DACH1: variants seen among roughly 807,000 people sequenced by gnomAD.
DACH1 encodes the protein dachshund family transcription factor 1.
DACH1 carries 12 observed loss-of-function variants against 54.2 expected under a neutral mutation model. The observed-to-expected ratio is 0.22, with a 90% confidence interval of 0.14 to 0.36. The LOEUF is 0.36. Ranked by LOEUF, DACH1 falls within the 10% of genes least tolerant of loss-of-function variation. The pLI, the probability that DACH1 is intolerant of heterozygous loss-of-function variation, is 1.00. For missense variants in DACH1, 805 were observed against 929.8 expected (o/e 0.87, Z 1.75); for synonymous variants, 386 against 366.2 (o/e 1.05, Z -0.62).
chr13:71,748,946 TTCTTTCTCTCTTTCTTTC>T (rs777754932), intron 1 of DACH1, among the ~76,000 whole-genome samples: 6,737 of 57,238 alleles, frequency 0.12, 575 homozygotes, highest in Non-Finnish European at 0.23. Context: ...CTTTCTTTCT[TTCTTTCTCTCTTTCTTTC>T]TCTCTCTCTC....
At chr13:71,749,992 C>CTTTCT (rs1274783914) in intron 1 of DACH1, among the ~76,000 whole-genome samples, 1 of 152,162 alleles carries the variant, frequency 6.6e-6, no homozygotes, top group Non-Finnish European at 1.5e-5. Flanking sequence ...AACTTTTATG[C>CTTTCT]TTTCAAGCAA....
At chr13:71,850,053 T>C (rs1380159239) in intron 1 of DACH1, among the ~76,000 whole-genome samples, 1 of 152,194 alleles carries the variant, frequency 6.6e-6, no homozygotes, top group East Asian at 1.9e-4. Context: ...GGTCCATCTA[T>C]GGACAAAATA....
rs186868541 is a variant in DACH1 at position 71,795,697 on chromosome 13, C to T, written c.848+70225G>A. Among the ~76,000 whole-genome samples the T allele has an allele frequency of 3.9e-5, 6 of 152,224 alleles. No individual in the cohort carries two copies. In the South Asian group the frequency reaches 8.3e-4, roughly 21 times the overall value. ...AACAAAACAAATCAGACTTTGAAATCGGCCAAATATACTTTCCAAGCCACT... is the reference window on the plus strand; with the variant it reads ...AACAAAACAAATCAGACTTTGAAATTGGCCAAATATACTTTCCAAGCCACT... On this transcript the variant is annotated intron_variant, in intron 1 of 10. Transcript: ENST00000613252.
intron 1 of DACH1, among the ~76,000 whole-genome samples, chr13:71,864,073 A>C (rs1874532049): frequency 6.6e-6 from 1 of 151,294 alleles, no homozygotes; most frequent in South Asian, 2.1e-4. Context: ...ACGACCAAGA[A>C]CTCCAATTAT....
chr13:71,611,427 G>A (rs925312754), intron 3 of DACH1, among the ~76,000 whole-genome samples: 1 of 152,188 alleles, frequency 6.6e-6, no homozygotes, highest in African/African-American at 2.4e-5. Context: ...TGAAGAATAA[G>A]TGTTAAGGCT....
chr13:71,449,981 A>C (rs953518377), intron 10 of DACH1, among the ~76,000 whole-genome samples: 3 of 151,596 alleles, frequency 2.0e-5, no homozygotes, highest in African/African-American at 7.3e-5. Flanking sequence ...ATGACGAGTT[A>C]CTGGGTTCGG....
At chr13:71,638,272 C>T (rs1369013796) in intron 2 of DACH1, among the ~76,000 whole-genome samples, 1 of 152,136 alleles carries the variant, frequency 6.6e-6, no homozygotes, top group African/African-American at 2.4e-5. Flanking sequence ...ATCACTCCAC[C>T]GTCACAGAAA....
At chr13:71,562,632 C>G (rs1204179824) in intron 4 of DACH1, among the ~76,000 whole-genome samples, 1 of 151,964 alleles carries the variant, frequency 6.6e-6, no homozygotes, top group Non-Finnish European at 1.5e-5. Context: ...TCCAAGCTAA[C>G]AAAATGAAGC....
At chr13:71,492,316 C>T (rs1215322842) in intron 6 of DACH1, among the ~76,000 whole-genome samples, 3 of 152,054 alleles carry the variant, frequency 2.0e-5, no homozygotes, top group Non-Finnish European at 2.9e-5. Flanking sequence ...ATGAGGAGAT[C>T]ATTTTGGTTT....
rs1456093027 is a variant in DACH1, at chr13:71,681,977, T to C, written c.849-67A>G. The stretch of plus-strand genomic sequence containing the variant: ...TCTTACACATCATTTCAAAGTTGTT[T>C]CAAGTGGTAACATGGACTGTAAATA... On this transcript the variant is annotated intron_variant, in intron 1 of 10. Coordinates refer to ENST00000613252, the MANE Select transcript of DACH1 (RefSeq NM_080759.6). The C allele has an allele frequency of 3.1e-6, 3 of 968,116 alleles. No individual in the cohort carries two copies. The African/African-American group carries it at 4.9e-5, about 16-fold the overall frequency. 60.0% of individuals were successfully genotyped at this position (968,116 alleles called of 1,614,324 possible).
chr13:71,472,410 T>C (rs2138165282), intron 10 of DACH1, among the ~76,000 whole-genome samples: 1 of 152,282 alleles, frequency 6.6e-6, no homozygotes, highest in Middle Eastern at 3.4e-3. Context: ...GGTGCATATT[T>C]AGGGGTAATT....
chr13:71,572,872 G>A lies in DACH1; in HGVS notation c.1267C>T (p.Pro423Ser). Residue 423 changes from proline to serine, a missense_variant, in exon 4 of 11, where the codon CCC (proline) becomes TCC (serine). Coordinates refer to ENST00000613252, the MANE Select transcript of DACH1 (RefSeq NM_080759.6). ...ACTGATGTCTCAACTCTGGATGGGG[G>A]ACTCTGAACTTGTGCTGCTGCTGCC... Reference protein sequence around the residue: ...NMAAAAQVQSPPSRVETSVIK... With the variant: ...NMAAAAQVQSSPSRVETSVIK... The A allele has an allele frequency of 6.2e-7, 1 of 1,613,766 alleles. No homozygotes were observed. Among genetic ancestry groups the A allele is most frequent in the Non-Finnish European group, 8.5e-7 (1 of 1,179,816 alleles).
chr13:71,859,444 C>CT, intron 1 of DACH1, among the ~76,000 whole-genome samples: 1 of 151,680 alleles, frequency 6.6e-6, no homozygotes, highest in Admixed American at 6.6e-5. Flanking sequence ...GGACATTTAT[C>CT]TGCTATTCAT....
chr13:71,672,160 T>G (rs1880243076), intron 2 of DACH1, among the ~76,000 whole-genome samples: 1 of 152,172 alleles, frequency 6.6e-6, no homozygotes, highest in Admixed American at 6.5e-5. Flanking sequence ...GACTTTATAT[T>G]TCTATCTATT....
rs114227810 is a variant in DACH1, at chr13:71,597,857, C to T, written c.1127-24845G>A. 8.8e-3 allele frequency among the ~76,000 whole-genome samples: 1,339 copies of T among 152,226 alleles called. 14 individuals carry two copies. Among genetic ancestry groups the T allele is most frequent in the Admixed American group, 0.025 (386 of 15,284 alleles). On this transcript the variant is annotated intron_variant, in intron 3 of 10. Transcript: ENST00000613252. Reference sequence around the variant, plus strand: ...GCAGGCCGGGCAGGGTGGCACATGCCTGTAGTCCCAGCACTCTGGAAGGCT... The same window carrying T: ...GCAGGCCGGGCAGGGTGGCACATGCTTGTAGTCCCAGCACTCTGGAAGGCT...
At chr13:71,560,610 C>A (rs1406287838) in intron 4 of DACH1, among the ~76,000 whole-genome samples, 1 of 151,984 alleles carries the variant, frequency 6.6e-6, no homozygotes, top group Non-Finnish European at 1.5e-5. Context: ...CAATCATGTC[C>A]CAGGGAAATT....
intron 2 of DACH1, among the ~76,000 whole-genome samples, chr13:71,642,761 C>A (rs1465280327): frequency 6.6e-6 from 1 of 152,136 alleles, no homozygotes; most frequent in Non-Finnish European, 1.5e-5. Flanking sequence ...TGGCTCATGG[C>A]TGTAATCCCA....
intron 3 of DACH1, among the ~76,000 whole-genome samples, chr13:71,622,921 A>G (rs1876353255): frequency 6.6e-6 from 1 of 151,784 alleles, no homozygotes; most frequent in Admixed American, 6.6e-5. Context: ...TTTTTGAATT[A>G]TGTTCTCCAA....
In DACH1 at chr13:71,532,797, G is replaced by C. The variant is rs111680497; in HGVS notation, c.1570+24227C>G. On this transcript the variant is annotated intron_variant, in intron 6 of 10. Transcript: ENST00000613252. ...TTAGCATCTTAAAATAATTGGGGTAGTTGTGATTATATCAACTCATATATA... is the reference window on the plus strand; with the variant it reads ...TTAGCATCTTAAAATAATTGGGGTACTTGTGATTATATCAACTCATATATA... Among the ~76,000 whole-genome samples the C allele has an allele frequency of 7.8e-3, 1,185 of 151,940 alleles. 17 individuals carry two copies. Among genetic ancestry groups the C allele is most frequent in the African/African-American group, 0.027 (1,128 of 41,526 alleles).
Sources: gnomAD v4.1 joint callset for allele counts (sites outside exome capture counted in the v4.1 genomes callset) on GRCh38, gnomAD v4.1.1 for gene constraint, MANE v1.5 for transcripts, NCBI Gene and HGNC (gene_info 2026-07-23, HGNC 2026-07-21) for gene names.